PTPRC: variants seen among roughly 807,000 people sequenced by gnomAD.
PTPRC encodes the protein receptor-type tyrosine-protein phosphatase C.
In PTPRC, 44 loss-of-function variants were observed where a neutral mutation model predicts 155.9. The ratio of observed to expected loss-of-function variants is 0.28; its 90% CI spans 0.22 to 0.36. The LOEUF is 0.36. PTPRC is among the 10% of genes least tolerant of loss of function. The probability of loss-of-function intolerance (pLI) is 1.00; values close to 1 mark genes in which losing one functional copy is unlikely to be tolerated. For missense variants in PTPRC, 1,401 were observed against 1,564.6 expected (o/e 0.90, Z 1.76); for synonymous variants, 525 against 533.1 (o/e 0.98, Z 0.21).
Position 198,699,708 on chromosome 1 carries a change from T to C in PTPRC, c.439+4T>C. The C allele has an allele frequency of 6.2e-7, 1 of 1,614,200 alleles. No individual in the cohort carries two copies. Among genetic ancestry groups the C allele is most frequent in the Non-Finnish European group, 8.5e-7 (1 of 1,180,032 alleles). ...CCAGGCAGCAATGCTATCTCAGGTTTGCGGGTCCTTTAGACTTGTGCAAAT... is the reference window on the plus strand; with the variant it reads ...CCAGGCAGCAATGCTATCTCAGGTTCGCGGGTCCTTTAGACTTGTGCAAAT... On this transcript the variant is annotated splice_donor_region_variant and intron_variant, in intron 5 of 32. Transcript: ENST00000442510.
intron 2 of PTPRC, among the ~76,000 whole-genome samples, chr1:198,640,716 G>A (rs181602488): frequency 8.8e-4 from 133 of 151,970 alleles, no homozygotes; most frequent in African/African-American, 3.0e-3. Context: ...AGGAAATGTC[G>A]AAAAGCATTT....
intron 2 of PTPRC, among the ~76,000 whole-genome samples, chr1:198,653,021 G>C (rs1211829286): frequency 6.6e-6 from 1 of 151,736 alleles, no homozygotes; most frequent in Non-Finnish European, 1.5e-5. Context: ...AATACCTTTA[G>C]TTGTCAAATG....
At chr1:198,703,485 G>C in intron 7 of PTPRC, 113 bp downstream of exon 7, 1 of 1,549,594 alleles carries the variant, frequency 6.5e-7, no homozygotes, top group Non-Finnish European at 8.8e-7. Flanking sequence ...GTTGCATTAA[G>C]TGTTTGAATC....
At chr1:198,707,297 C>A (rs1435664832) in intron 9 of PTPRC, among the ~76,000 whole-genome samples, 1 of 152,134 alleles carries the variant, frequency 6.6e-6, no homozygotes, top group Non-Finnish European at 1.5e-5. Flanking sequence ...TATATTTATT[C>A]TTTTAAGTAC....
intron 2 of PTPRC, among the ~76,000 whole-genome samples, chr1:198,653,109 T>G (rs1663346636): frequency 6.6e-6 from 1 of 151,880 alleles, no homozygotes; most frequent in African/African-American, 2.4e-5. Context: ...TCAATTTAAC[T>G]GTACATATCT....
intron 2 of PTPRC, among the ~76,000 whole-genome samples, chr1:198,681,746 T>C (rs1282740714): frequency 6.6e-6 from 1 of 152,282 alleles, no homozygotes; most frequent in Non-Finnish European, 1.5e-5. Context: ...CATTAAAATA[T>C]CATTTGTGAG....
At chr1:198,697,080 G>A (rs1666239956) in intron 4 of PTPRC, among the ~76,000 whole-genome samples, 171 bp downstream of exon 4, 2 of 152,202 alleles carry the variant, frequency 1.3e-5, no homozygotes. Context: ...ATCGACTGAA[G>A]TAATTAATGC....
chr1:198,756,304 A>G lies in PTPRC; in HGVS notation c.*123A>G. 1 of 1,285,592 alleles carries G rather than the reference A, an allele frequency of 7.8e-7. No homozygotes were observed. The highest frequency in any genetic ancestry group is 1.1e-6 in the Non-Finnish European group (1 of 917,814). The allele number at this position is 1,285,592 out of a possible 1,614,324, so 79.6% of individuals were successfully genotyped here. On this transcript the variant is annotated 3_prime_UTR_variant, in exon 33 of 33. Transcript: ENST00000442510. ...AAATGCAGCGAACCAATATTTGTAG[A>G]AGGGTTATATTTTACTACTGTGGAA...
intron 14 of PTPRC, among the ~76,000 whole-genome samples, chr1:198,720,879 T>A (rs1026112700): frequency 2.6e-5 from 4 of 152,192 alleles, no homozygotes; most frequent in Non-Finnish European, 2.9e-5. Flanking sequence ...GCTTCTCCAG[T>A]GCCCATTAAG....
intron 15 of PTPRC, among the ~76,000 whole-genome samples, chr1:198,726,240 T>C (rs1654127123): frequency 6.6e-6 from 1 of 152,178 alleles, no homozygotes; most frequent in Non-Finnish European, 1.5e-5. Context: ...CTGGAAACAA[T>C]CATGCTGATT....
intron 2 of PTPRC, among the ~76,000 whole-genome samples, chr1:198,643,128 T>C (rs1166399091): frequency 6.6e-6 from 1 of 151,818 alleles, no homozygotes; most frequent in East Asian, 1.9e-4. Context: ...AATATTTCCA[T>C]TGAATTGCAC....
In PTPRC at chr1:198,741,860, C is replaced by T; in HGVS notation, c.2404-9C>T. 6.2e-7 allele frequency: 1 copy of T among 1,610,404 alleles called. No individual in the cohort carries two copies. The highest frequency in any genetic ancestry group is 8.5e-7 in the Non-Finnish European group (1 of 1,177,978). On this transcript the variant is annotated splice_polypyrimidine_tract_variant and intron_variant, in intron 23 of 32. Coordinates refer to ENST00000442510, the MANE Select transcript of PTPRC (RefSeq NM_002838.5). ...AATCATCTCAAAGAAAATATTATCT[C>T]TTGACTAGAAAAAAGAAAAAGCAAC...
chr1:198,726,495 G>A (rs1291377348), intron 15 of PTPRC, among the ~76,000 whole-genome samples: 6 of 152,088 alleles, frequency 3.9e-5, no homozygotes, highest in Non-Finnish European at 7.4e-5. Context: ...TTTTATATAT[G>A]AGGAAACTCA....
intron 2 of PTPRC, among the ~76,000 whole-genome samples, chr1:198,690,352 G>A (rs1363251219): frequency 6.6e-6 from 1 of 151,878 alleles, no homozygotes; most frequent in Non-Finnish European, 1.5e-5. Flanking sequence ...AATAAGGAGA[G>A]CGGAATGCTG....
At chr1:198,662,569 A>T (rs1011195369) in intron 2 of PTPRC, among the ~76,000 whole-genome samples, 1 of 152,204 alleles carries the variant, frequency 6.6e-6, no homozygotes, top group South Asian at 2.1e-4. Context: ...AGAGTGGCTT[A>T]TATGATAGAA....
rs12072914 is a variant in PTPRC at position 198,742,141 on chromosome 1, C to A, written c.2562-91C>A. 4.1e-4 allele frequency: 653 copies of A among 1,602,402 alleles called. 3 individuals are homozygous for A. In the African/African-American group the frequency reaches 7.8e-3, roughly 19 times the overall value. On this transcript the variant is annotated intron_variant, in intron 24 of 32. Coordinates refer to ENST00000442510, the MANE Select transcript of PTPRC (RefSeq NM_002838.5). The stretch of plus-strand genomic sequence containing the variant: ...TGGCAATTGCTATTTTGGGAAACAA[C>A]CTATGGGAGAAGCTTAGATTCTTAT...
intron 2 of PTPRC, among the ~76,000 whole-genome samples, chr1:198,650,283 ATCT>A (rs1051712844): frequency 3.4e-4 from 52 of 152,012 alleles, no homozygotes; most frequent in African/African-American, 1.2e-3. Flanking sequence ...GAATAACCTA[ATCT>A]TCTTTCTGTG....
chr1:198,693,968 G>C (rs1040569625), intron 3 of PTPRC: 1 of 1,531,124 alleles, frequency 6.5e-7, no homozygotes. Context: ...TGTATATGAG[G>C]GGTAGTTTAT....
chr1:198,708,983 C>T (rs1653146123), intron 10 of PTPRC, among the ~76,000 whole-genome samples: 1 of 152,154 alleles, frequency 6.6e-6, no homozygotes, highest in Non-Finnish European at 1.5e-5. Flanking sequence ...GTAATCATCA[C>T]CTAATCACCA....
Sources: allele counts gnomAD v4.1 joint callset (sites outside exome capture counted in the v4.1 genomes callset), GRCh38; gene constraint gnomAD v4.1.1; transcripts MANE v1.5; gene names NCBI Gene and HGNC (gene_info 2026-07-23, HGNC 2026-07-21).